BRWD3: variants seen among roughly 807,000 people sequenced by gnomAD.
BRWD3 encodes bromodomain and WD repeat domain containing 3.
In BRWD3, 10 loss-of-function variants were observed where a neutral mutation model predicts 149.7. The ratio of observed to expected loss-of-function variants is 0.07; its 90% confidence interval spans 0.04 to 0.11. The LOEUF is 0.11. Ranked by LOEUF, BRWD3 falls within the 10% of genes least tolerant of loss-of-function variation. BRWD3 has a pLI of 1.00. For synonymous variants in BRWD3, 504 were observed against 456.7 expected (o/e 1.10, Z -1.32); for missense variants, 940 against 1,373.2 (o/e 0.68, Z 4.99).
intron 34 of BRWD3, among the ~76,000 whole-genome samples, chrX:80,687,447 C>T (rs2072546059): frequency 9.0e-6 from 1 of 110,782 alleles, no homozygotes. Context: ...GATTTTGTTA[C>T]GATCTCTTTC....
chrX:80,674,551 T>C lies in BRWD3; in HGVS notation c.*2058A>G, dbSNP rs1040451426. ...GAATACAGGCACAATTTAGTCTAAATGCCCAAGAGATAAATAACCGAAACA... is the reference window on the plus strand; with the variant it reads ...GAATACAGGCACAATTTAGTCTAAACGCCCAAGAGATAAATAACCGAAACA... On this transcript the variant is annotated 3_prime_UTR_variant, in exon 41 of 41. Coordinates refer to ENST00000373275, the MANE Select transcript of BRWD3 (RefSeq NM_153252.5). 1.8e-5 allele frequency: 2 copies of C among 111,737 alleles called. No homozygotes were observed. The highest frequency in any genetic ancestry group is 9.5e-5 in the Admixed American group (1 of 10,534). The allele number at this position is 111,737 out of a possible 1,213,427, so 9.2% of individuals were successfully genotyped here.
chrX:80,711,653 G>A lies in BRWD3; in HGVS notation c.2326-2076C>T, dbSNP rs1043228642. Among the ~76,000 whole-genome samples the A allele has an allele frequency of 1.2e-4, 13 of 112,022 alleles. 1 individual carries two copies. In the East Asian group the frequency reaches 1.7e-3, roughly 15 times the overall value. On this transcript the variant is annotated intron_variant, in intron 20 of 40. Transcript: ENST00000373275. ...AAAGCTACCTAGAGGCTTCTTCTGC[G>A]TAATGAGAATCTCGGTCTCTAAAAT...
At chrX:80,737,210 T>C (rs758149499) in intron 8 of BRWD3, among the ~76,000 whole-genome samples, 10 of 111,373 alleles carry the variant, frequency 9.0e-5, no homozygotes, top group Middle Eastern at 4.7e-3. Context: ...GGACCTCCCA[T>C]GGATACTAAA....
At chrX:80,791,993 T>G in intron 5 of BRWD3, 41 bp from the exon 6 acceptor site, 1 of 897,200 alleles carries the variant, frequency 1.1e-6, no homozygotes. Context: ...ATAGAGCAGT[T>G]TTTTTTTTAA....
chrX:80,696,663 G>A (rs2072703588), intron 26 of BRWD3, 76 bp downstream of exon 26: 4 of 1,099,093 alleles, frequency 3.6e-6, no homozygotes, highest in East Asian at 3.0e-5. Context: ...CTCTCCCATT[G>A]AGCACTGTAC....
At chrX:80,773,790 T>C (rs1235507224) in intron 6 of BRWD3, among the ~76,000 whole-genome samples, 1 of 112,069 alleles carries the variant, frequency 8.9e-6, no homozygotes, top group East Asian at 2.8e-4. Context: ...AGTCTTCCCA[T>C]GTTTTTCTTA....
At chrX:80,730,423 A>AAGAAAG (rs2073311264) in intron 12 of BRWD3, among the ~76,000 whole-genome samples, 1 of 109,518 alleles carries the variant, frequency 9.1e-6, no homozygotes, top group Non-Finnish European at 1.9e-5. Flanking sequence ...GAAAGAAAGA[A>AAGAAAG]AGAAAGAAAG....
intron 15 of BRWD3, 97 bp from the exon 16 acceptor site, chrX:80,723,973 C>T: frequency 2.1e-6 from 2 of 931,273 alleles, no homozygotes; most frequent in South Asian, 4.1e-5. Context: ...CTCTGTGATA[C>T]ACAAACATTC....
At chrX:80,712,385 G>T (rs1490074218) in intron 20 of BRWD3, among the ~76,000 whole-genome samples, 2 of 110,427 alleles carry the variant, frequency 1.8e-5, no homozygotes, top group Non-Finnish European at 1.9e-5. Flanking sequence ...TCCTAATCGC[G>T]AGTGATCCGC....
chrX:80,790,193 CAAAAAAAAAAA>C (rs10711199), intron 6 of BRWD3, among the ~76,000 whole-genome samples: 1 of 35,316 alleles, frequency 2.8e-5, no homozygotes, highest in Non-Finnish European at 4.8e-5. Context: ...GACTCTGTCT[CAAAAAAAAAAA>C]AAAAAAAAAA....
At chrX:80,778,707 T>TA (rs1368164645) in intron 6 of BRWD3, among the ~76,000 whole-genome samples, 4 of 112,694 alleles carry the variant, frequency 3.5e-5, no homozygotes, top group African/African-American at 1.3e-4. Flanking sequence ...GTTTTATTTT[T>TA]AAAAAATTTG....
chrX:80,723,765 T>C lies in BRWD3; in HGVS notation c.1633A>G (p.Ser545Gly), dbSNP rs1064796506. ...ATGCTAACCTTTTCGTAGTATTTACTGCATCCAAAACCAAAAAGCAGCAAA... is the reference window on the plus strand; with the variant it reads ...ATGCTAACCTTTTCGTAGTATTTACCGCATCCAAAACCAAAAAGCAGCAAA... ...GHLLLFGFGC[S>G]KYYEKIPDQM... Residue 545 changes from serine to glycine, a missense_variant, in exon 16 of 41, where the codon AGT becomes GGT. Physicochemically the swap from Ser to Gly is moderately conservative, Grantham distance 56. Transcript: ENST00000373275. 1 of 1,211,047 alleles carries C rather than the reference T, an allele frequency of 8.3e-7. No homozygotes were observed. The highest frequency in any genetic ancestry group is 3.0e-5 in the East Asian group (1 of 33,843).
chrX:80,728,237 C>T lies in BRWD3; in HGVS notation c.1386+515G>A, dbSNP rs142836883. On this transcript the variant is annotated intron_variant, in intron 14 of 40. Transcript: ENST00000373275. ...ACCAGTATTATGATAAACTGAAAAA[C>T]ATCAACACTACCCATGTGATTTCTG... is the stretch of plus-strand genomic sequence containing the variant. Among the ~76,000 whole-genome samples the T allele has an allele frequency of 3.3e-3, 364 of 111,670 alleles. 2 individuals carry two copies. Among genetic ancestry groups the T allele is most frequent in the African/African-American group, 0.011 (344 of 30,797 alleles).
At chrX:80,769,568 G>T (rs1450150161) in intron 6 of BRWD3, among the ~76,000 whole-genome samples, 1 of 111,431 alleles carries the variant, frequency 9.0e-6, no homozygotes, top group Non-Finnish European at 1.9e-5. Flanking sequence ...CAATGTACCA[G>T]AATCTCTGGG....
intron 8 of BRWD3, among the ~76,000 whole-genome samples, chrX:80,739,507 A>T (rs2147782945): frequency 8.9e-6 from 1 of 111,798 alleles, no homozygotes; most frequent in Non-Finnish European, 1.9e-5. Flanking sequence ...GACTAAGAGA[A>T]AGAGTATGAT....
rs778688178 is a variant in BRWD3 at position 80,785,721 on chromosome X, A to T, written c.430+6133T>A. Among the ~76,000 whole-genome samples the T allele has an allele frequency of 2.7e-5, 3 of 112,253 alleles. No homozygotes were observed. In the South Asian group the frequency reaches 1.1e-3, roughly 41 times the overall value. On this transcript the variant is annotated intron_variant, in intron 6 of 40. Coordinates refer to ENST00000373275, the MANE Select transcript of BRWD3 (RefSeq NM_153252.5). ...GAACAGCTAAAAGTAGTTTCTAAGGATAAAAATAGGAAACTTAAAAATCAG... is the reference window on the plus strand; with the variant it reads ...GAACAGCTAAAAGTAGTTTCTAAGGTTAAAAATAGGAAACTTAAAAATCAG...
intron 6 of BRWD3, among the ~76,000 whole-genome samples, chrX:80,764,198 C>T (rs1339696735): frequency 8.9e-6 from 1 of 112,320 alleles, no homozygotes; most frequent in African/African-American, 3.2e-5. Context: ...AACCTTACAC[C>T]TTACAGAATT....
At chrX:80,806,882 G>C (rs1951207515) in intron 4 of BRWD3, among the ~76,000 whole-genome samples, 3 of 111,874 alleles carry the variant, frequency 2.7e-5, no homozygotes, top group Admixed American at 1.9e-4. Context: ...GGTTGTTGGG[G>C]TTTTTTTGGT....
At chrX:80,736,859 CA>C (rs1193597267) in intron 8 of BRWD3, among the ~76,000 whole-genome samples, 1 of 111,251 alleles carries the variant, frequency 9.0e-6, no homozygotes, top group Non-Finnish European at 1.9e-5. Context: ...GTCTGGGACA[CA>C]GGAAAAAGCT....
Sources: allele counts gnomAD v4.1 joint callset (sites outside exome capture counted in the v4.1 genomes callset), GRCh38; gene constraint gnomAD v4.1.1; transcripts MANE v1.5; gene names NCBI Gene and HGNC (gene_info 2026-07-23, HGNC 2026-07-21).